Variants in RYR3 observed in about 807,000 individuals in gnomAD.
RYR3 encodes brain ryanodine receptor-calcium release channel.
A neutral mutation model predicts 584.3 loss-of-function variants in RYR3; 207 were observed. The ratio of observed to expected loss-of-function variants is 0.35; its 90% CI spans 0.32 to 0.40. The LOEUF (loss-of-function observed/expected upper bound fraction) is 0.40. RYR3 is among the 10% of genes least tolerant of loss of function. The pLI is 1.00. For missense variants in RYR3, 5,616 were observed against 6,089.2 expected (o/e 0.92, Z 2.59); for synonymous variants, 2,416 against 2,248.5 (o/e 1.07, Z -2.11).
At chr15:33,727,834 G>A (rs982814423) in intron 46 of RYR3, among the ~76,000 whole-genome samples, 1 of 152,150 alleles carries the variant, frequency 6.6e-6, no homozygotes, top group African/African-American at 2.4e-5. Context: ...CTAGTTTTTA[G>A]TGTCAACAAA....
At chr15:33,794,349 A>ACAAATATATATGTG (rs1491104139) in intron 67 of RYR3, among the ~76,000 whole-genome samples, 1 of 102,474 alleles carries the variant, frequency 9.8e-6, no homozygotes, top group African/African-American at 3.6e-5. Context: ...ATATATAAAA[A>ACAAATATATATGTG]TATATATATA....
At chr15:33,446,628 C>T (rs189886528) in intron 1 of RYR3, among the ~76,000 whole-genome samples, 75 of 152,268 alleles carry the variant, frequency 4.9e-4, no homozygotes, top group African/African-American at 1.8e-3. Flanking sequence ...TAGGGCCCAC[C>T]GTATGACCTG....
intron 1 of RYR3, among the ~76,000 whole-genome samples, chr15:33,317,264 T>C (rs8034688): frequency 0.27 from 41,234 of 151,870 alleles, 8,945 homozygotes; most frequent in African/African-American, 0.61. Context: ...AGCGGGTTTT[T>C]CTCCCAGGGA....
chr15:33,548,051 C>T (rs564064583), intron 8 of RYR3, 79 bp from the exon 9 acceptor site: 55 of 972,096 alleles, frequency 5.7e-5, no homozygotes, highest in South Asian at 5.0e-4. Flanking sequence ...ACCTGAACAG[C>T]CTCTGCAGGG....
At position 33,720,731 on chromosome 15, in the gene RYR3, A is replaced by G. The variant is rs143206240; in HGVS notation, c.6620-1984A>G. 5.8e-3 allele frequency among the ~76,000 whole-genome samples: 877 copies of G among 152,228 alleles called. 8 individuals are homozygous for G. The highest frequency in any genetic ancestry group is 0.019 in the African/African-American group (809 of 41,552). On this transcript the variant is annotated intron_variant, in intron 43 of 103. Transcript: ENST00000634891. ...AGTACAACAACAACAAAAATTAGCCAGTTGTGGTAGCATGTGCCTGTAGTC... is the reference window on the plus strand; with the variant it reads ...AGTACAACAACAACAAAAATTAGCCGGTTGTGGTAGCATGTGCCTGTAGTC...
intron 7 of RYR3, among the ~76,000 whole-genome samples, chr15:33,542,336 C>A (rs1330113739): frequency 6.6e-6 from 1 of 152,102 alleles, no homozygotes; most frequent in Non-Finnish European, 1.5e-5. Context: ...AAAGGATAAA[C>A]TCCAAATAGG....
chr15:33,459,439 T>C (rs1567283706), intron 1 of RYR3, among the ~76,000 whole-genome samples: 1 of 152,166 alleles, frequency 6.6e-6, no homozygotes, highest in Non-Finnish European at 1.5e-5. Context: ...AAGATGTCCC[T>C]GAGGCTTGGA....
chr15:33,836,655 A>T (rs1436591698), intron 87 of RYR3, among the ~76,000 whole-genome samples: 1 of 152,186 alleles, frequency 6.6e-6, no homozygotes, highest in African/African-American at 2.4e-5. Flanking sequence ...AACACTTGGT[A>T]TATCTGCCAC....
chr15:33,627,728 A>AT (rs1240450369), intron 20 of RYR3, among the ~76,000 whole-genome samples: 1 of 152,186 alleles, frequency 6.6e-6, no homozygotes, highest in Non-Finnish European at 1.5e-5. Flanking sequence ...TTTTGACATG[A>AT]TTTTTTGTTG....
intron 19 of RYR3, among the ~76,000 whole-genome samples, chr15:33,621,773 G>A (rs1199616655): frequency 6.6e-6 from 1 of 152,072 alleles, no homozygotes; most frequent in Non-Finnish European, 1.5e-5. Flanking sequence ...AAAAACCTTA[G>A]CACCTCTTTA....
chr15:33,364,079 A>T (rs1567100374), intron 1 of RYR3, among the ~76,000 whole-genome samples: 1 of 152,230 alleles, frequency 6.6e-6, no homozygotes, highest in Non-Finnish European at 1.5e-5. Flanking sequence ...TCAAAAACTT[A>T]TAATATCTCA....
chr15:33,717,204 A>G (rs2067560429), intron 43 of RYR3, among the ~76,000 whole-genome samples: 1 of 152,142 alleles, frequency 6.6e-6, no homozygotes, highest in South Asian at 2.1e-4. Flanking sequence ...GATGATCCCC[A>G]GATGTACTTT....
intron 17 of RYR3, 33 bp downstream of exon 17, chr15:33,601,585 C>T: frequency 6.2e-7 from 1 of 1,611,216 alleles, no homozygotes. Context: ...AAATGCCAAG[C>T]ATAGTTCTGC....
At chr15:33,505,703 A>G (rs562069069) in intron 3 of RYR3, among the ~76,000 whole-genome samples, 28 of 152,312 alleles carry the variant, frequency 1.8e-4, no homozygotes, top group African/African-American at 6.5e-4. Context: ...CGTGTTAGCC[A>G]GGATGGTCTT....
intron 3 of RYR3, among the ~76,000 whole-genome samples, chr15:33,517,624 T>C (rs1029528704): frequency 2.6e-5 from 4 of 152,240 alleles, no homozygotes; most frequent in African/African-American, 7.2e-5. Flanking sequence ...ATGGCTGATA[T>C]CTTTGCGCAA....
In RYR3 at chr15:33,631,199, T is replaced by C; in HGVS notation, c.2784-11T>C. On this transcript the variant is annotated splice_polypyrimidine_tract_variant and intron_variant, in intron 22 of 103. Coordinates refer to ENST00000634891, the MANE Select transcript of RYR3 (RefSeq NM_001036.6). Reference sequence around the variant, plus strand: ...AGTTAACCTTAGTCTTCTCCTTCTGTTGTGTCACAGAACCCTCTTGGCCCT... The same window carrying C: ...AGTTAACCTTAGTCTTCTCCTTCTGCTGTGTCACAGAACCCTCTTGGCCCT... 1 of 1,546,426 alleles carries C rather than the reference T, an allele frequency of 6.5e-7. No homozygotes were observed. Among genetic ancestry groups the C allele is most frequent in the East Asian group, 2.3e-5 (1 of 43,020 alleles).
At chr15:33,328,006 T>C (rs1001489532) in intron 1 of RYR3, among the ~76,000 whole-genome samples, 10 of 152,224 alleles carry the variant, frequency 6.6e-5, no homozygotes, top group African/African-American at 2.4e-4. Flanking sequence ...TTCAATAAAA[T>C]TTCAAAAGGG....
chr15:33,858,154 C>T, intron 99 of RYR3: 1 of 503,780 alleles, frequency 2.0e-6, no homozygotes, highest in South Asian at 3.3e-5. Flanking sequence ...GAAAGGGAAG[C>T]ACCCTGCACA....
At chr15:33,834,926 T>A in intron 86 of RYR3, 42 bp from the exon 87 acceptor site, 1 of 1,529,820 alleles carries the variant, frequency 6.5e-7, no homozygotes, top group Non-Finnish European at 9.0e-7. Context: ...TCAGAGCAAC[T>A]TGTGATGTTT....
Sources: allele counts gnomAD v4.1 joint callset (sites outside exome capture counted in the v4.1 genomes callset), GRCh38; gene constraint gnomAD v4.1.1; transcripts MANE v1.5; gene names NCBI Gene and HGNC (gene_info 2026-07-23, HGNC 2026-07-21).